The following GATAD2A variants were observed in gnomAD, a reference collection of about 807,000 sequenced individuals.
GATAD2A encodes transcriptional repressor p66-alpha.
Under a neutral mutation model 68.5 loss-of-function variants are expected in GATAD2A, and 12 were observed. The ratio of observed to expected loss-of-function variants is 0.18; its 90% CI spans 0.11 to 0.28. GATAD2A has a LOEUF of 0.28. Ranked by LOEUF, GATAD2A falls within the 10% of genes least tolerant of loss-of-function variation. The pLI, the probability that GATAD2A is intolerant of heterozygous loss-of-function variation, is 1.00. For missense variants in GATAD2A, 755 were observed against 868.5 expected, an observed-to-expected ratio of 0.87 and a Z score of 1.64; for synonymous variants, 410 against 375.3, an observed-to-expected ratio of 1.09 and a Z score of -1.07.
chr19:19,415,972 C>G (rs1600063499), intron 1 of GATAD2A, among the ~76,000 whole-genome samples: 1 of 151,246 alleles, frequency 6.6e-6, no homozygotes, highest in South Asian at 2.1e-4. Context: ...TTTTTCCCCC[C>G]CAAGAGACAT....
At chr19:19,445,664 A>C (rs2055622042) in intron 1 of GATAD2A, among the ~76,000 whole-genome samples, 2 of 152,180 alleles carry the variant, frequency 1.3e-5, no homozygotes, top group African/African-American at 4.8e-5. Context: ...TATAAATGGG[A>C]TCATGCAATA....
At chr19:19,419,805 C>T (rs2052127529) in intron 1 of GATAD2A, among the ~76,000 whole-genome samples, 1 of 151,796 alleles carries the variant, frequency 6.6e-6, no homozygotes, top group Non-Finnish European at 1.5e-5. Flanking sequence ...AAGTCACCGC[C>T]CTGGATGATG....
intron 1 of GATAD2A, among the ~76,000 whole-genome samples, chr19:19,386,578 C>A (rs1035964638): frequency 3.3e-5 from 5 of 151,940 alleles, no homozygotes; most frequent in Non-Finnish European, 7.4e-5. Context: ...TAGGGGAACG[C>A]TGCCTCTCTA....
intron 1 of GATAD2A, chr19:19,436,367 T>C (rs1647253113): frequency 1.2e-5 from 5 of 412,496 alleles, no homozygotes; most frequent in South Asian, 7.2e-5. Flanking sequence ...GATCGCACAC[T>C]GTGCAGTCTG....
intron 1 of GATAD2A, among the ~76,000 whole-genome samples, chr19:19,394,771 G>C (rs959373610): frequency 1.3e-5 from 2 of 152,206 alleles, no homozygotes; most frequent in Admixed American, 6.5e-5. Flanking sequence ...CTGGGACTGG[G>C]AAGGTGCTGT....
chr19:19,484,683 G>A (rs1366768066), intron 2 of GATAD2A, among the ~76,000 whole-genome samples: 3 of 151,642 alleles, frequency 2.0e-5, no homozygotes, highest in Non-Finnish European at 4.4e-5. Flanking sequence ...ACAGGCGCCC[G>A]CCACCTCGCC....
At chr19:19,404,736 T>A (rs745464242), upstream of GATAD2A, among the ~76,000 whole-genome samples, 2 of 152,178 alleles carry the variant, frequency 1.3e-5, no homozygotes, top group African/African-American at 2.4e-5. Context: ...TTATGTTTGG[T>A]GAAACTTTTG....
Position 19,496,032 on chromosome 19 carries a change from T to C in GATAD2A, c.757-20T>C. ...TTGATCTCAGTCAGATTTCTTGTTCTCCCCACCCTACCCCAACAGCAAATC... is the reference window on the plus strand; with the variant it reads ...TTGATCTCAGTCAGATTTCTTGTTCCCCCCACCCTACCCCAACAGCAAATC... On this transcript the variant is annotated intron_variant, in intron 6 of 11. Transcript: ENST00000683918. 2 of 1,610,830 alleles carry C rather than the reference T, an allele frequency of 1.2e-6. No individual in the cohort carries two copies. Among genetic ancestry groups the C allele is most frequent in the Non-Finnish European group, 1.7e-6 (2 of 1,177,474 alleles).
intron 1 of GATAD2A, among the ~76,000 whole-genome samples, chr19:19,436,781 C>G (rs1034947042): frequency 6.6e-6 from 1 of 152,190 alleles, no homozygotes; most frequent in African/African-American, 2.4e-5. Flanking sequence ...GACGTTTTGG[C>G]CCAAGGCTAC....
intron 1 of GATAD2A, among the ~76,000 whole-genome samples, chr19:19,388,353 G>A (rs376044183): frequency 2.7e-4 from 41 of 151,978 alleles, no homozygotes; most frequent in Non-Finnish European, 4.9e-4. Flanking sequence ...CACCGCGCCC[G>A]GCCAAGCTTC....
chr19:19,481,301 C>G (rs975857279), intron 2 of GATAD2A, among the ~76,000 whole-genome samples: 1 of 152,152 alleles, frequency 6.6e-6, no homozygotes, highest in Non-Finnish European at 1.5e-5. Flanking sequence ...GGCCCACTTG[C>G]AGTGTGAGTG....
In GATAD2A at chr19:19,501,162, A is replaced by G. The variant is rs1247251455; in HGVS notation, c.1249A>G (p.Met417Val). 7 of 1,613,348 alleles carry G rather than the reference A, an allele frequency of 4.3e-6. No individual in the cohort carries two copies. The highest frequency in any genetic ancestry group is 3.3e-5 in the Admixed American group (2 of 60,012). Reference protein sequence around the residue: ...AATVLSREPYMCAQCKTDFTC... With the variant: ...AATVLSREPYVCAQCKTDFTC... ...CACTGTGCTGTCCCGGGAGCCCTAC[A>G]TGTGTGCACAGTGCAAGACGGACTT... is the stretch of plus-strand genomic sequence containing the variant. The change falls in exon 9 of 12, where the codon ATG becomes GTG. Residue 417 changes from methionine (M) to valine (V), a missense_variant. By Grantham distance (21) the Met-to-Val change is conservative. Coordinates refer to ENST00000683918, the MANE Select transcript of GATAD2A (RefSeq NM_001384528.1).
intron 2 of GATAD2A, among the ~76,000 whole-genome samples, chr19:19,466,415 T>C (rs1022179892): frequency 6.6e-6 from 1 of 152,104 alleles, no homozygotes; most frequent in Admixed American, 6.5e-5. Flanking sequence ...TCTGACAAAC[T>C]CCTCTGTGGC....
upstream of GATAD2A, chr19:19,402,400 A>G (rs900612442): frequency 7.5e-5 from 11 of 146,776 alleles, no homozygotes; most frequent in Non-Finnish European, 1.0e-4. Flanking sequence ...TTGAAAGTAC[A>G]GTATTGGGCC....
At chr19:19,475,170 C>T (rs941691615) in intron 2 of GATAD2A, among the ~76,000 whole-genome samples, 8 of 152,188 alleles carry the variant, frequency 5.3e-5, no homozygotes, top group Non-Finnish European at 1.0e-4. Flanking sequence ...GCCCGCCGGC[C>T]GGCTGTCTAC....
At chr19:19,440,777 G>T (rs1312172300) in intron 1 of GATAD2A, among the ~76,000 whole-genome samples, 2 of 152,190 alleles carry the variant, frequency 1.3e-5, no homozygotes, top group Admixed American at 6.5e-5. Flanking sequence ...CATGTCAGTT[G>T]TAACACACAT....
chr19:19,410,244 G>C (rs1600038963), intron 1 of GATAD2A, among the ~76,000 whole-genome samples: 1 of 151,572 alleles, frequency 6.6e-6, no homozygotes, highest in Non-Finnish European at 1.5e-5. Context: ...GATGCTGGAG[G>C]CTAGCTTCTG....
In GATAD2A at chr19:19,505,340, G is replaced by T. The variant is rs1438461013; in HGVS notation, c.1775-4G>T. ...TCTCAGCTGGTCGCTCTGTTCTGTT[G>T]CAGGCGGGACCCTTGCGTTTGTCAG... On this transcript the variant is annotated splice_polypyrimidine_tract_variant and splice_region_variant and intron_variant, in intron 11 of 11. Coordinates refer to ENST00000683918, the MANE Select transcript of GATAD2A (RefSeq NM_001384528.1). 4 of 1,612,982 alleles carry T rather than the reference G, an allele frequency of 2.5e-6. No individual in the cohort carries two copies. The African/African-American group carries it at 5.3e-5, about 22-fold the overall frequency.
chr19:19,421,454 G>A lies in GATAD2A; in HGVS notation c.-7+15435G>A, dbSNP rs550052237. 3.9e-5 allele frequency among the ~76,000 whole-genome samples: 6 copies of A among 152,268 alleles called. No homozygotes were observed. In the East Asian group the frequency reaches 7.7e-4, roughly 20 times the overall value. ...ATGTAGGTTGGGTTGTCTAGGCAGC[G>A]CTGTGCTTCAGTGACACTTTGTGGT... On this transcript the variant is annotated intron_variant, in intron 1 of 11. Coordinates refer to ENST00000683918, the MANE Select transcript of GATAD2A (RefSeq NM_001384528.1).
Sources: gnomAD v4.1 joint callset for allele counts (sites outside exome capture counted in the v4.1 genomes callset) on GRCh38, gnomAD v4.1.1 for gene constraint, MANE v1.5 for transcripts, NCBI Gene and HGNC (gene_info 2026-07-23, HGNC 2026-07-21) for gene names.